The following MDGA2 variants were observed in gnomAD, a reference collection of about 807,000 sequenced individuals.
MDGA2 encodes MAM domain containing glycosylphosphatidylinositol anchor 2, also known as MAM domain-containing glycosylphosphatidylinositol anchor protein 2.
In MDGA2, 40 loss-of-function variants were observed where a neutral mutation model predicts 117.8. That is an observed-to-expected ratio of 0.34 (90% CI 0.26 to 0.44). The LOEUF is 0.44. Ranked by LOEUF, MDGA2 falls within the 20% of genes least tolerant of loss-of-function variation. MDGA2 has a pLI of 1.00. For missense variants in MDGA2, 1,123 were observed against 1,250.6 expected, an observed-to-expected ratio of 0.90 and a Z score of 1.54; for synonymous variants, 452 against 439.0, an observed-to-expected ratio of 1.03 and a Z score of -0.37.
chr14:47,500,846 T>G (rs574659721), intron 1 of MDGA2, among the ~76,000 whole-genome samples: 1 of 152,240 alleles, frequency 6.6e-6, no homozygotes, highest in African/African-American at 2.4e-5. Flanking sequence ...CACCCTGCTT[T>G]TTCTGAATAA....
intron 1 of MDGA2, among the ~76,000 whole-genome samples, chr14:47,606,189 T>C (rs1896740530): frequency 6.6e-6 from 1 of 152,210 alleles, no homozygotes; most frequent in South Asian, 2.1e-4. Context: ...CTCACTATTA[T>C]GTCCTTAGTA....
intron 1 of MDGA2, among the ~76,000 whole-genome samples, chr14:47,407,894 C>T (rs748673297): frequency 6.6e-6 from 1 of 152,012 alleles, no homozygotes; most frequent in Admixed American, 6.6e-5. Context: ...TACATTCTAA[C>T]AGGGGGAGAC....
chr14:47,214,935 G>A (rs534143903), intron 3 of MDGA2, among the ~76,000 whole-genome samples: 10 of 152,160 alleles, frequency 6.6e-5, no homozygotes, highest in South Asian at 2.1e-4. Context: ...TTTTACAAGG[G>A]ATTCAAGAAT....
chr14:47,544,596 T>G (rs1368026349), intron 1 of MDGA2, among the ~76,000 whole-genome samples: 1 of 152,192 alleles, frequency 6.6e-6, no homozygotes, highest in Non-Finnish European at 1.5e-5. Context: ...TTGGTTGGTT[T>G]ATTTTTTGTA....
chr14:47,323,598 C>G (rs79251850), intron 1 of MDGA2, among the ~76,000 whole-genome samples: 2,375 of 152,062 alleles, frequency 0.016, 67 homozygotes, highest in East Asian at 0.14. Context: ...CGCCACTGCA[C>G]TCCAGGCTGG....
chr14:46,989,241 A>T (rs1594499836), intron 8 of MDGA2, among the ~76,000 whole-genome samples: 1 of 151,952 alleles, frequency 6.6e-6, no homozygotes, highest in South Asian at 2.1e-4. Flanking sequence ...TGCTCCATTT[A>T]TATGGGCTAG....
At chr14:47,084,282 C>T (rs542196331) in intron 6 of MDGA2, among the ~76,000 whole-genome samples, 4 of 152,118 alleles carry the variant, frequency 2.6e-5, no homozygotes, top group African/African-American at 9.6e-5. Flanking sequence ...CTGAACAACA[C>T]TCTTCTAAAT....
chr14:47,199,969 G>A (rs1885428743), intron 3 of MDGA2, among the ~76,000 whole-genome samples: 1 of 151,128 alleles, frequency 6.6e-6, no homozygotes, highest in Admixed American at 6.6e-5. Flanking sequence ...GATGACATAA[G>A]AACCCAGAAA....
intron 1 of MDGA2, among the ~76,000 whole-genome samples, chr14:47,314,963 G>C (rs1162503393): frequency 6.6e-6 from 1 of 152,058 alleles, no homozygotes; most frequent in East Asian, 1.9e-4. Context: ...CTAGAGACTT[G>C]TCTAGAGGGA....
intron 1 of MDGA2, among the ~76,000 whole-genome samples, chr14:47,454,781 T>C (rs538105498): frequency 4.6e-5 from 7 of 152,324 alleles, no homozygotes; most frequent in African/African-American, 1.4e-4. Context: ...ATAAAAATTT[T>C]CTTTCAGGAT....
intron 7 of MDGA2, 106 bp from the exon 8 acceptor site, chr14:47,035,410 G>A (rs1888810473): frequency 1.2e-6 from 1 of 856,928 alleles, no homozygotes; most frequent in Non-Finnish European, 1.8e-6. Flanking sequence ...GAAGAAATGT[G>A]ACAATTCGGA....
rs546986060 is a variant in MDGA2, at chr14:47,172,335, A to G, written c.596-28061T>C. Among the ~76,000 whole-genome samples, 321 of 152,130 alleles carry G rather than the reference A, an allele frequency of 2.1e-3. 1 individual carries two copies. Among genetic ancestry groups the G allele is most frequent in the African/African-American group, 4.9e-3 (202 of 41,500 alleles). On this transcript the variant is annotated intron_variant, in intron 3 of 16. Coordinates refer to ENST00000399232, the MANE Select transcript of MDGA2 (RefSeq NM_001113498.3). ...GCAGCTGGAGATCTCAGAACCGGCA[A>G]ACTGCCTCCTCAAGTGGGTCCCTGA...
chr14:47,387,269 C>A (rs1222560838), intron 1 of MDGA2, among the ~76,000 whole-genome samples: 3 of 152,162 alleles, frequency 2.0e-5, no homozygotes, highest in Non-Finnish European at 4.4e-5. Context: ...GAGACCAAGA[C>A]AAACAGTAAA....
At chr14:46,871,977 A>T (rs991776732) in intron 14 of MDGA2, 1 of 247,514 alleles carries the variant, frequency 4.0e-6, no homozygotes, top group Non-Finnish European at 8.5e-6. Context: ...CATAAAAAAT[A>T]AAAATAAAAA....
intron 1 of MDGA2, among the ~76,000 whole-genome samples, chr14:47,504,436 A>T (rs1379019685): frequency 1.3e-5 from 2 of 152,116 alleles, no homozygotes; most frequent in African/African-American, 4.8e-5. Flanking sequence ...CCATCACATT[A>T]TAGTGAATTA....
chr14:46,867,234 A>C (rs966260326), intron 14 of MDGA2, among the ~76,000 whole-genome samples: 10 of 152,230 alleles, frequency 6.6e-5, no homozygotes, highest in Middle Eastern at 3.4e-3. Flanking sequence ...GAGTTCATGT[A>C]CTTTGTAAGG....
intron 8 of MDGA2, among the ~76,000 whole-genome samples, chr14:46,985,403 C>G (rs1231635129): frequency 6.6e-6 from 1 of 151,898 alleles, no homozygotes; most frequent in Non-Finnish European, 1.5e-5. Context: ...CTGAACCGAA[C>G]CTAGTGGATT....
chr14:47,545,633 TA>T (rs1049049880), intron 1 of MDGA2, among the ~76,000 whole-genome samples: 2 of 152,196 alleles, frequency 1.3e-5, no homozygotes, highest in African/African-American at 4.8e-5. Flanking sequence ...CTTTATTCCC[TA>T]AAACACATTT....
At chr14:47,672,698 G>A (rs77935622) in intron 1 of MDGA2, among the ~76,000 whole-genome samples, 8,240 of 152,264 alleles carry the variant, frequency 0.054, 266 homozygotes, top group East Asian at 0.086. Flanking sequence ...GAATCAATGA[G>A]AGAGGAATAC....
Sources: gnomAD v4.1 joint callset for allele counts (sites outside exome capture counted in the v4.1 genomes callset) on GRCh38, gnomAD v4.1.1 for gene constraint, MANE v1.5 for transcripts, NCBI Gene and HGNC (gene_info 2026-07-23, HGNC 2026-07-21) for gene names.